CEP68: variants seen among roughly 807,000 people sequenced by gnomAD.
The protein encoded by CEP68 is centrosomal protein of 68 kDa.
CEP68 carries 26 observed loss-of-function variants against 55.3 expected under a neutral mutation model. The ratio of observed to expected loss-of-function variants is 0.47; its 90% CI spans 0.34 to 0.65. CEP68 has a LOEUF of 0.65. Ranked by LOEUF, CEP68 falls within the 30% of genes least tolerant of loss-of-function variation. The pLI, the probability that CEP68 is intolerant of heterozygous loss-of-function variation, is 0.01. For synonymous variants in CEP68, 402 were observed against 383.2 expected, an observed-to-expected ratio of 1.05 and a Z score of -0.57; for missense variants, 957 against 946.7, an observed-to-expected ratio of 1.01 and a Z score of -0.14.
chr2:65,082,768 A>T (rs1668893637), intron 6 of CEP68, 59 bp downstream of exon 6: 11 of 1,377,684 alleles, frequency 8.0e-6, no homozygotes, highest in African/African-American at 1.5e-5. Context: ...ACAGTTGGCC[A>T]CTACTTAGAA....
rs577037216 is a variant in CEP68 at position 65,072,366 on chromosome 2, C to T, written c.1270C>T (p.Arg424Trp). The T allele has an allele frequency of 1.3e-4, 212 of 1,613,840 alleles. 2 individuals are homozygous for T. Among genetic ancestry groups the T allele is most frequent in the South Asian group, 1.1e-3 (96 of 91,072 alleles). ...GCCAGCCCTGAGGGGTGCGAAGGAC[C>T]GGCTGACTATAGGCAAGCACCTTGA... is the stretch of plus-strand genomic sequence containing the variant. Reference protein sequence around the residue: ...REPALRGAKDRLTIGKHLDMG... With the variant: ...REPALRGAKDWLTIGKHLDMG... The change falls in exon 3 of 7, where the codon CGG becomes TGG. Residue 424 changes from arginine to tryptophan, a missense_variant. Arg to Trp is a moderately radical substitution (Grantham distance 101). Coordinates refer to ENST00000377990, the MANE Select transcript of CEP68 (RefSeq NM_015147.3).
rs1668953762 is a variant in CEP68 at position 65,084,159 on chromosome 2, C to G, written c.*525C>G. On this transcript the variant is annotated 3_prime_UTR_variant, in exon 7 of 7. Transcript: ENST00000377990. ...GAAGAGATTTTTAACCCTTTGTCTG[C>G]AAAAGAAAAAGGGTTAAATGAAGCA... 1 of 152,064 alleles carries G rather than the reference C, an allele frequency of 6.6e-6. No homozygotes were observed. Among genetic ancestry groups the G allele is most frequent in the South Asian group, 2.1e-4 (1 of 4,824 alleles). The allele number at this position is 152,064 out of a possible 1,614,324, so 9.4% of individuals were successfully genotyped here.
intron 5 of CEP68, among the ~76,000 whole-genome samples, chr2:65,078,907 A>G (rs1478843360): frequency 6.6e-6 from 1 of 152,210 alleles, no homozygotes; most frequent in East Asian, 1.9e-4. Context: ...GACCTCAGGC[A>G]TGTATCTAAG....
At chr2:65,071,401 G>T (rs1347659148) in intron 2 of CEP68, 53 bp from the exon 3 acceptor site, 1 of 1,476,082 alleles carries the variant, frequency 6.8e-7, no homozygotes, top group Non-Finnish European at 9.4e-7. Context: ...ATCTAAGAAA[G>T]AAATTGGGTT....
chr2:65,071,710 G>A lies in CEP68; in HGVS notation c.614G>A (p.Ser205Asn), dbSNP rs761646910. 6.2e-7 allele frequency: 1 copy of A among 1,613,972 alleles called. No individual in the cohort carries two copies. The highest frequency in any genetic ancestry group is 1.3e-5 in the African/African-American group (1 of 74,934). Residue 205 changes from serine (S) to asparagine (N), a missense_variant, in exon 3 of 7, where the codon AGC becomes AAC. Coordinates refer to ENST00000377990, the MANE Select transcript of CEP68 (RefSeq NM_015147.3). The part of the protein sequence containing the change: ...SCSISASSTG[S>N]SLQGHQERAE... ...AGCATCTCTGCTTCCTCCACAGGCA[G>A]CAGTCTCCAGGGTCACCAGGAGAGG...
rs1668947593 is a variant in CEP68 at position 65,084,026 on chromosome 2, AGAGGAC to A, written c.*393_*398del. The A allele has an allele frequency of 6.6e-6, 1 of 152,226 alleles. No homozygotes were observed. The highest frequency in any genetic ancestry group is 2.1e-4 in the South Asian group (1 of 4,830). 9.4% of individuals were successfully genotyped at this position (152,226 alleles called of 1,614,324 possible). ...AATACTCAATATTCTCAGGCATGCA[AGAGGAC>A]CTAAGAGACTGAAAAAAGTGAATTG... is the stretch of plus-strand genomic sequence containing the variant. On this transcript the variant is annotated 3_prime_UTR_variant, in exon 7 of 7. Transcript: ENST00000377990.
chr2:65,058,497 C>CTTTTTTTTTTT (rs34477880), intron 1 of CEP68, among the ~76,000 whole-genome samples: 2 of 75,682 alleles, frequency 2.6e-5, no homozygotes, highest in African/African-American at 5.8e-5. Context: ...GATTTTTTTC[C>CTTTTTTTTTTT]TTTTTTTTTT....
intron 5 of CEP68, among the ~76,000 whole-genome samples, chr2:65,078,767 C>T (rs377291801): frequency 6.6e-6 from 1 of 152,226 alleles, no homozygotes; most frequent in Non-Finnish European, 1.5e-5. Context: ...CTGTCTTGAA[C>T]TCCCTATCTC....
At position 65,082,596 on chromosome 2, in the gene CEP68, A is replaced by G. The variant is rs1412123452; in HGVS notation, c.2165A>G (p.Asp722Gly). Residue 722 changes from aspartate (D) to glycine (G), a missense_variant, in exon 6 of 7, where the codon GAT becomes GGT. By Grantham distance (94) the Asp-to-Gly change is moderately conservative (BLOSUM62 -1). Transcript: ENST00000377990. ...TCTGGTGAGCTGGAGAGCCACGCAG[A>G]TCGCCTGTATGACTCTATCTTGGCC... is the stretch of plus-strand genomic sequence containing the variant. ...KQSGELESHA[D>G]RLYDSILASL... The G allele has an allele frequency of 6.2e-7, 1 of 1,609,504 alleles. No individual in the cohort carries two copies. Among genetic ancestry groups the G allele is most frequent in the East Asian group, 2.2e-5 (1 of 44,456 alleles).
chr2:65,058,003 G>A (rs1326248977), intron 1 of CEP68, among the ~76,000 whole-genome samples: 1 of 152,138 alleles, frequency 6.6e-6, no homozygotes, highest in Non-Finnish European at 1.5e-5. Context: ...AATAATAGTA[G>A]TACCTGTGTG....
rs1310698945 is a variant in CEP68, at chr2:65,084,576, T to C, written c.*942T>C. ...TTCAAAGCATCAATTCTATAGCTTT[T>C]TGCAGCAAGATGATCAGTTATTGCT... On this transcript the variant is annotated 3_prime_UTR_variant, in exon 7 of 7. Transcript: ENST00000377990. 6.6e-6 allele frequency: 1 copy of C among 152,212 alleles called. No individual in the cohort carries two copies. Among genetic ancestry groups the C allele is most frequent in the Non-Finnish European group, 1.5e-5 (1 of 68,038 alleles). 9.4% of individuals were successfully genotyped at this position (152,212 alleles called of 1,614,324 possible). A position where few individuals can be genotyped will look rare whatever the true frequency, so the allele number is the denominator to read the frequency against.
At chr2:65,063,444 GA>G (rs916729567) in intron 1 of CEP68, among the ~76,000 whole-genome samples, 2 of 152,218 alleles carry the variant, frequency 1.3e-5, no homozygotes, top group Non-Finnish European at 2.9e-5. Flanking sequence ...TAGCCTCCAG[GA>G]GCACTGTAAA....
intron 1 of CEP68, among the ~76,000 whole-genome samples, chr2:65,059,654 G>A (rs768663818): frequency 6.6e-6 from 1 of 152,188 alleles, no homozygotes; most frequent in Non-Finnish European, 1.5e-5. Flanking sequence ...GGCACCCAAG[G>A]AATGGTTGTA....
Position 65,085,502 on chromosome 2 carries a change from G to GACTT in CEP68, c.*1871_*1874dup, listed in dbSNP as rs1669000469. On this transcript the variant is annotated 3_prime_UTR_variant, in exon 7 of 7. Coordinates refer to ENST00000377990, the MANE Select transcript of CEP68 (RefSeq NM_015147.3). ...TTATACCGCCGTGCTTTAAGTTTAA[G>GACTT]ACTTACCTTAAAACTCAAGCTGAAG... is the stretch of plus-strand genomic sequence containing the variant. 1 of 151,998 alleles carries GACTT rather than the reference G, an allele frequency of 6.6e-6. No homozygotes were observed. Among genetic ancestry groups the GACTT allele is most frequent in the East Asian group, 1.9e-4 (1 of 5,196 alleles). 9.4% of individuals were successfully genotyped at this position (151,998 alleles called of 1,614,324 possible).
intron 1 of CEP68, 94 bp downstream of exon 1, chr2:65,056,622 C>G (rs1675602782): frequency 6.6e-6 from 1 of 152,070 alleles, no homozygotes. Flanking sequence ...GCCCGGCCCC[C>G]TCCCCCGCGT....
intron 1 of CEP68, among the ~76,000 whole-genome samples, chr2:65,066,745 A>AAATATATATAT (rs70943620): frequency 2.1e-4 from 12 of 58,408 alleles, no homozygotes; most frequent in Admixed American, 3.9e-4. Context: ...AAAAAAAAAA[A>AAATATATATAT]ATATATATAT....
chr2:65,062,645 T>C (rs2103749406), intron 1 of CEP68, among the ~76,000 whole-genome samples: 1 of 151,806 alleles, frequency 6.6e-6, no homozygotes, highest in Admixed American at 6.6e-5. Context: ...AGACCAGCCT[T>C]GGCAACATAT....
Position 65,071,866 on chromosome 2 carries a change from G to A in CEP68, c.770G>A (p.Gly257Asp). The change falls in exon 3 of 7, where the codon GGT (glycine) becomes GAT (aspartate). Residue 257 changes from glycine to aspartate, a missense_variant. By Grantham distance (94) the Gly-to-Asp change is moderately conservative. Transcript: ENST00000377990. ...QWSPQPVFSG[G>D]DASGLGRRRL... ...TCACCACAGCCTGTGTTCTCTGGGGGTGATGCTTCTGGGCTAGGCAGGAGA... is the reference window on the plus strand; with the variant it reads ...TCACCACAGCCTGTGTTCTCTGGGGATGATGCTTCTGGGCTAGGCAGGAGA... 1.2e-6 allele frequency: 2 copies of A among 1,608,794 alleles called. No individual in the cohort carries two copies. Among genetic ancestry groups the A allele is most frequent in the Non-Finnish European group, 1.7e-6 (2 of 1,177,256 alleles).
intron 1 of CEP68, among the ~76,000 whole-genome samples, chr2:65,061,533 G>C (rs1213209438): frequency 6.6e-6 from 1 of 152,292 alleles, no homozygotes; most frequent in African/African-American, 2.4e-5. Flanking sequence ...CCGTAGCTTT[G>C]AGTCTTTTCT....
Sources: gnomAD v4.1 joint callset for allele counts (sites outside exome capture counted in the v4.1 genomes callset) on GRCh38, gnomAD v4.1.1 for gene constraint, MANE v1.5 for transcripts, NCBI Gene and HGNC (gene_info 2026-07-23, HGNC 2026-07-21) for gene names.